KCND3: variants seen among roughly 807,000 people sequenced by gnomAD.
KCND3 encodes the protein A-type voltage-gated potassium channel KCND3.
Under a neutral mutation model 51.1 loss-of-function variants are expected in KCND3, and 9 were observed. That is an observed-to-expected ratio of 0.18 (90% CI 0.11 to 0.31). The LOEUF (loss-of-function observed/expected upper bound fraction) is 0.31. KCND3 is among the 10% of genes least tolerant of loss of function. The probability of loss-of-function intolerance (pLI) is 1.00; values close to 1 mark genes in which losing one functional copy is unlikely to be tolerated. For missense variants in KCND3, 526 were observed against 903.8 expected (o/e 0.58, Z 5.36); for synonymous variants, 349 against 368.0 (o/e 0.95, Z 0.59).
chr1:111,908,118 G>A (rs184470039), intron 2 of KCND3, among the ~76,000 whole-genome samples: 4 of 152,328 alleles, frequency 2.6e-5, no homozygotes, highest in Admixed American at 6.5e-5. Flanking sequence ...AACACTCTGA[G>A]GGTTTTAAGA....
chr1:111,823,439 C>T lies in KCND3; in HGVS notation c.1107-36333G>A, dbSNP rs536672579. ...TCCATCACAGCTCTGCAGATCAGGC[C>T]TGATGGTTCTGAGACACTCAGGGAT... On this transcript the variant is annotated intron_variant, in intron 2 of 7. Coordinates refer to ENST00000302127, the MANE Select transcript of KCND3 (RefSeq NM_001378969.1). Among the ~76,000 whole-genome samples the T allele has an allele frequency of 1.4e-4, 22 of 152,258 alleles. No individual in the cohort carries two copies. In the East Asian group the frequency reaches 3.1e-3, roughly 21 times the overall value.
chr1:111,977,202 GTAGA>G (rs1392598687), intron 2 of KCND3, among the ~76,000 whole-genome samples: 1 of 152,192 alleles, frequency 6.6e-6, no homozygotes, highest in Non-Finnish European at 1.5e-5. Context: ...TCCGGAGGCA[GTAGA>G]TAAAGGTGCA....
At chr1:111,930,488 G>T (rs1671914463) in intron 2 of KCND3, among the ~76,000 whole-genome samples, 1 of 152,208 alleles carries the variant, frequency 6.6e-6, no homozygotes, top group Non-Finnish European at 1.5e-5. Context: ...CAGTGTCTGA[G>T]CAGTAGACCA....
chr1:111,935,451 C>T (rs1273945942), intron 2 of KCND3, among the ~76,000 whole-genome samples: 1 of 152,044 alleles, frequency 6.6e-6, no homozygotes, highest in Non-Finnish European at 1.5e-5. Flanking sequence ...AAATAAAATC[C>T]TTTTAATTTC....
chr1:111,900,193 G>A (rs1052723818), intron 2 of KCND3, among the ~76,000 whole-genome samples: 2 of 152,044 alleles, frequency 1.3e-5, no homozygotes, highest in African/African-American at 2.4e-5. Flanking sequence ...ACCCCTGCCC[G>A]GAGGGAGAGA....
chr1:111,949,107 G>T (rs143475559), intron 2 of KCND3, among the ~76,000 whole-genome samples: 2 of 152,168 alleles, frequency 1.3e-5, no homozygotes, highest in Non-Finnish European at 2.9e-5. Flanking sequence ...TGAAGGGCTG[G>T]TGTGAGTATC....
intron 2 of KCND3, among the ~76,000 whole-genome samples, chr1:111,877,700 T>C (rs1316872553): frequency 6.6e-6 from 1 of 152,182 alleles, no homozygotes; most frequent in African/African-American, 2.4e-5. Flanking sequence ...TGGCCGCTGG[T>C]GGTTGGTTGC....
At chr1:111,885,043 C>T (rs764693517) in intron 2 of KCND3, among the ~76,000 whole-genome samples, 3 of 152,088 alleles carry the variant, frequency 2.0e-5, no homozygotes, top group Non-Finnish European at 4.4e-5. Flanking sequence ...CCGAATGTCC[C>T]CTATGGTAAA....
chr1:111,870,181 C>T (rs994829577), intron 2 of KCND3, among the ~76,000 whole-genome samples: 1 of 152,226 alleles, frequency 6.6e-6, no homozygotes, highest in African/African-American at 2.4e-5. Flanking sequence ...AGATAAGCAA[C>T]TTGCCCAAGC....
intron 1 of KCND3, among the ~76,000 whole-genome samples, chr1:111,983,383 T>C (rs1384017547): frequency 1.3e-5 from 2 of 152,064 alleles, no homozygotes; most frequent in East Asian, 1.9e-4. Context: ...ATTGGTGAGG[T>C]TCTGTCCCCA....
intron 3 of KCND3, among the ~76,000 whole-genome samples, chr1:111,785,086 G>A (rs189376491): frequency 6.6e-6 from 1 of 152,160 alleles, no homozygotes; most frequent in Non-Finnish European, 1.5e-5. Flanking sequence ...CCCAGGTGAA[G>A]TAAAGGTAGC....
chr1:111,968,915 G>A (rs138256057), intron 2 of KCND3, among the ~76,000 whole-genome samples: 1 of 152,186 alleles, frequency 6.6e-6, no homozygotes, highest in Admixed American at 6.5e-5. Flanking sequence ...AAGGCTCCCT[G>A]GAACCAGAAT....
At chr1:111,905,417 C>G (rs1030578841) in intron 2 of KCND3, among the ~76,000 whole-genome samples, 3 of 152,188 alleles carry the variant, frequency 2.0e-5, no homozygotes, top group Admixed American at 6.5e-5. Context: ...AGTAGAGAGG[C>G]TCGGTGCTTT....
intron 2 of KCND3, among the ~76,000 whole-genome samples, chr1:111,906,269 G>T (rs555008621): frequency 6.6e-6 from 1 of 152,270 alleles, no homozygotes; most frequent in African/African-American, 2.4e-5. Context: ...CAGTCTCTGG[G>T]GTCAGCATTT....
chr1:111,797,728 A>G (rs1665118415), intron 2 of KCND3, among the ~76,000 whole-genome samples: 1 of 152,170 alleles, frequency 6.6e-6, no homozygotes, highest in South Asian at 2.1e-4. Context: ...ACTATGAGAA[A>G]TTACTGGCTG....
chr1:111,827,566 G>A (rs1005029854), intron 2 of KCND3, among the ~76,000 whole-genome samples: 5 of 152,176 alleles, frequency 3.3e-5, no homozygotes, highest in Non-Finnish European at 5.9e-5. Context: ...AACTTATATT[G>A]AGCAGTAAGT....
intron 2 of KCND3, among the ~76,000 whole-genome samples, chr1:111,920,195 T>G (rs1038797782): frequency 2.0e-5 from 3 of 152,340 alleles, no homozygotes; most frequent in East Asian, 1.9e-4. Flanking sequence ...ATGCAGACCC[T>G]GCACTCACAA....
intron 2 of KCND3, among the ~76,000 whole-genome samples, chr1:111,849,030 C>T (rs1004093944): frequency 6.6e-6 from 1 of 152,130 alleles, no homozygotes; most frequent in Non-Finnish European, 1.5e-5. Context: ...TCTCCCCCGC[C>T]GCTCCCTGTA....
intron 2 of KCND3, among the ~76,000 whole-genome samples, chr1:111,873,699 T>A (rs1036414861): frequency 4.6e-5 from 7 of 152,096 alleles, no homozygotes; most frequent in Admixed American, 6.5e-5. Context: ...ATAGACTTGT[T>A]CTGAGCACTC....
Sources: gnomAD v4.1 joint callset for allele counts (sites outside exome capture counted in the v4.1 genomes callset) on GRCh38, gnomAD v4.1.1 for gene constraint, MANE v1.5 for transcripts, NCBI Gene and HGNC (gene_info 2026-07-23, HGNC 2026-07-21) for gene names.